FTCDNL1: variants seen among roughly 807,000 people sequenced by gnomAD.
The protein encoded by FTCDNL1 is formiminotransferase cyclodeaminase N-terminal like.
In FTCDNL1, 11 loss-of-function variants were observed where a neutral mutation model predicts 5.9. The observed-to-expected ratio is 1.87, with a 90% CI of 1.18 to 3.10. The LOEUF (loss-of-function observed/expected upper bound fraction) is 3.10, where lower values mean the gene tolerates loss of function less well. FTCDNL1 is among the 30% of genes most tolerant of loss of function. The pLI, the probability that FTCDNL1 is intolerant of heterozygous loss-of-function variation, is 0.00. For missense variants in FTCDNL1, 115 were observed against 65.5 expected, an observed-to-expected ratio of 1.76 and a Z score of -2.61; for synonymous variants, 58 against 24.8, an observed-to-expected ratio of 2.34 and a Z score of -3.99.
At chr2:199,725,945 G>A in the FTCDNL1 span, among the ~76,000 whole-genome samples, 4 of 152,142 alleles carry the variant, frequency 2.6e-5, no homozygotes, top group African/African-American at 9.7e-5. Context: ...TTGCTAGGCT[G>A]GGGAAGTGCT....
At chr2:199,790,179 G>A (rs761071852) in intron 3 of FTCDNL1, among the ~76,000 whole-genome samples, 2 of 151,834 alleles carry the variant, frequency 1.3e-5, no homozygotes, top group Non-Finnish European at 2.9e-5. Context: ...CACTTGAAAG[G>A]CAAAAGAGAC....
chr2:199,826,561 G>C (rs930558887), intron 3 of FTCDNL1, among the ~76,000 whole-genome samples: 14 of 151,048 alleles, frequency 9.3e-5, no homozygotes, highest in African/African-American at 2.9e-4. Context: ...TTGGGAGGCT[G>C]AAGCAGGTGG....
chr2:199,726,536 T>C, the FTCDNL1 span, among the ~76,000 whole-genome samples: 1 of 152,250 alleles, frequency 6.6e-6, no homozygotes, highest in Non-Finnish European at 1.5e-5. Flanking sequence ...TATCTACCTT[T>C]GATCTTTGAG....
the FTCDNL1 span, among the ~76,000 whole-genome samples, chr2:199,722,399 C>T: frequency 6.6e-5 from 10 of 152,134 alleles, no homozygotes; most frequent in Admixed American, 4.6e-4. Context: ...TTCCCCATTG[C>T]TTGTTTTTGT....
the FTCDNL1 span, among the ~76,000 whole-genome samples, chr2:199,675,325 T>A: frequency 6.6e-6 from 1 of 152,152 alleles, no homozygotes; most frequent in Non-Finnish European, 1.5e-5. Flanking sequence ...GCATTAGTGT[T>A]CAATAAAGGT....
the FTCDNL1 span, among the ~76,000 whole-genome samples, chr2:199,694,845 A>G: frequency 6.6e-6 from 1 of 152,116 alleles, no homozygotes; most frequent in Non-Finnish European, 1.5e-5. Flanking sequence ...AAAAAAATTA[A>G]TTAATTAAAA....
chr2:199,796,212 G>T (rs563156130), intron 3 of FTCDNL1, among the ~76,000 whole-genome samples: 1 of 152,238 alleles, frequency 6.6e-6, no homozygotes, highest in Admixed American at 6.5e-5. Context: ...TAAAAATTTT[G>T]TGCAAGTTTA....
At chr2:199,672,835 T>C in the FTCDNL1 span, among the ~76,000 whole-genome samples, 2 of 152,076 alleles carry the variant, frequency 1.3e-5, no homozygotes, top group African/African-American at 4.8e-5. Flanking sequence ...TCTCTGCTCC[T>C]AACCCAGCCT....
rs185417823 is a variant in FTCDNL1 at position 199,765,240 on chromosome 2, C to T, written c.212-4405G>A. Among the ~76,000 whole-genome samples the T allele has an allele frequency of 3.5e-4, 53 of 152,048 alleles. 2 individuals are homozygous for T. In the East Asian group the frequency reaches 4.6e-3, roughly 13 times the overall value. On this transcript the variant is annotated intron_variant, in intron 3 of 3. Transcript: ENST00000416668. ...CACCAAGAGTGAACCCGAATGTTAA[C>T]GATGAACTTGACATGATAATGTGTC...
intron 3 of FTCDNL1, among the ~76,000 whole-genome samples, chr2:199,783,184 C>T (rs1186911461): frequency 2.0e-5 from 3 of 152,218 alleles, no homozygotes; most frequent in Non-Finnish European, 2.9e-5. Flanking sequence ...CTAAGCTTTA[C>T]TGCAAGGCCA....
At chr2:199,760,903 A>G (rs546980119) in intron 3 of FTCDNL1, 2 of 700,848 alleles carry the variant, frequency 2.9e-6, no homozygotes, top group Non-Finnish European at 5.2e-6. Context: ...ACCCCTCTCC[A>G]CTCAACCCCC....
chr2:199,780,493 T>C lies in FTCDNL1; in HGVS notation c.212-19658A>G, dbSNP rs57339057. Among the ~76,000 whole-genome samples, 1,144 of 152,242 alleles carry C rather than the reference T, an allele frequency of 7.5e-3. 5 individuals are homozygous for C. Among genetic ancestry groups the C allele is most frequent in the African/African-American group, 0.017 (692 of 41,548 alleles). On this transcript the variant is annotated intron_variant, in intron 3 of 3. Transcript: ENST00000416668. ...TTTCTTCAGGATTCTCACTGGTCTC[T>C]TCCTGAAAAAAAATTAAAGATGAAA...
chr2:199,694,563 C>T, the FTCDNL1 span, among the ~76,000 whole-genome samples: 6 of 152,198 alleles, frequency 3.9e-5, no homozygotes, highest in African/African-American at 7.2e-5. Context: ...CAGAGACTCA[C>T]ACCTGTAATC....
intron 3 of FTCDNL1, among the ~76,000 whole-genome samples, chr2:199,784,758 G>C (rs955016582): frequency 1.3e-5 from 2 of 152,108 alleles, no homozygotes; most frequent in African/African-American, 4.8e-5. Context: ...TGGGTAAGGC[G>C]ACTCTCCGGC....
intron 3 of FTCDNL1, among the ~76,000 whole-genome samples, chr2:199,776,190 T>C (rs1487482472): frequency 1.3e-5 from 2 of 152,152 alleles, no homozygotes; most frequent in Non-Finnish European, 2.9e-5. Flanking sequence ...TAAGTGGCCA[T>C]GGCCTCTTGG....
the FTCDNL1 span, among the ~76,000 whole-genome samples, chr2:199,737,884 C>T: frequency 9.9e-5 from 15 of 152,128 alleles, no homozygotes; most frequent in South Asian, 6.2e-4. Flanking sequence ...CAATTAGGAG[C>T]GTTTCAGTTA....
At chr2:199,749,269 C>T in the FTCDNL1 span, among the ~76,000 whole-genome samples, 1 of 152,264 alleles carries the variant, frequency 6.6e-6, no homozygotes, top group Middle Eastern at 3.4e-3. Context: ...ACAGCAGATG[C>T]TTAATGGTTT....
chr2:199,788,014 A>C (rs1024331448), intron 3 of FTCDNL1, among the ~76,000 whole-genome samples: 2 of 152,242 alleles, frequency 1.3e-5, no homozygotes, highest in African/African-American at 4.8e-5. Context: ...TTCTGCATTT[A>C]AAATAATAAC....
chr2:199,754,619 A>G, the FTCDNL1 span, among the ~76,000 whole-genome samples: 2 of 152,094 alleles, frequency 1.3e-5, no homozygotes, highest in Non-Finnish European at 2.9e-5. Context: ...TTTCCTAGAG[A>G]GTCTCCAGGG....
Sources: allele counts gnomAD v4.1 joint callset (sites outside exome capture counted in the v4.1 genomes callset), GRCh38; gene constraint gnomAD v4.1.1; transcripts MANE v1.5; gene names NCBI Gene and HGNC (gene_info 2026-07-23, HGNC 2026-07-21).